Variants in ESR1 observed in about 807,000 individuals in gnomAD.
The protein encoded by ESR1 is estrogen receptor 1.
A neutral mutation model predicts 52.7 loss-of-function variants in ESR1; 12 were observed. The ratio of observed to expected loss-of-function variants is 0.23; its 90% CI spans 0.15 to 0.37. The LOEUF (loss-of-function observed/expected upper bound fraction) is 0.37. Among genes scored for constraint, ESR1 ranks in the 10% least tolerant of loss-of-function variants. The pLI, the probability that ESR1 is intolerant of heterozygous loss-of-function variation, is 1.00. For missense variants in ESR1, 584 were observed against 779.7 expected (o/e 0.75, Z 2.99); for synonymous variants, 305 against 316.8 (o/e 0.96, Z 0.39).
chr6:151,950,947 A>G (rs968528695), intron 4 of ESR1, among the ~76,000 whole-genome samples: 28 of 151,874 alleles, frequency 1.8e-4, no homozygotes, highest in Non-Finnish European at 1.9e-4. Flanking sequence ...TTAAGGAGGA[A>G]GGTTTGGCTC....
chr6:152,117,877 T>C (rs1349644023), intron 6 of ESR1, among the ~76,000 whole-genome samples: 1 of 152,182 alleles, frequency 6.6e-6, no homozygotes, highest in Non-Finnish European at 1.5e-5. Flanking sequence ...GTCCTTCGCT[T>C]TCAGTTTCAT....
chr6:151,761,291 GAAA>G (rs953297596), intron 2 of ESR1, among the ~76,000 whole-genome samples: 4 of 151,648 alleles, frequency 2.6e-5, no homozygotes, highest in African/African-American at 9.7e-5. Context: ...TTTAACTAAA[GAAA>G]ATAATAATCA....
chr6:151,860,804 A>C (rs1051750072), intron 2 of ESR1, among the ~76,000 whole-genome samples: 3 of 152,238 alleles, frequency 2.0e-5, no homozygotes, highest in Non-Finnish European at 4.4e-5. Context: ...ATAGCCAGTT[A>C]TATGATGTGT....
At chr6:151,728,015 G>A (rs1781968258) in intron 2 of ESR1, among the ~76,000 whole-genome samples, 1 of 152,168 alleles carries the variant, frequency 6.6e-6, no homozygotes, top group Admixed American at 6.5e-5. Context: ...CATGGCAGGG[G>A]AAGGCCAAGC....
intron 1 of ESR1, among the ~76,000 whole-genome samples, chr6:151,815,670 G>A (rs1779505932): frequency 6.6e-6 from 1 of 152,182 alleles, no homozygotes; most frequent in African/African-American, 2.4e-5. Context: ...CATTATTCAT[G>A]GATTCTGTAT....
upstream of ESR1, among the ~76,000 whole-genome samples, chr6:151,806,530 G>GTGTATATATATATATA (rs1554259015): frequency 1.1e-4 from 11 of 96,446 alleles, no homozygotes; most frequent in East Asian, 2.6e-4. Context: ...TCCTTAATAT[G>GTGTATATATATATATA]TATATATATA....
chr6:151,869,270 C>T (rs577259777), intron 2 of ESR1, among the ~76,000 whole-genome samples: 3 of 152,258 alleles, frequency 2.0e-5, no homozygotes, highest in African/African-American at 4.8e-5. Flanking sequence ...TGGAAATAAT[C>T]GAACAGAGTG....
At position 152,011,365 on chromosome 6, in the gene ESR1, G is replaced by A. The variant is rs80025294; in HGVS notation, c.1097-291G>A. On this transcript the variant is annotated intron_variant, in intron 4 of 7. Coordinates refer to ENST00000206249, the MANE Select transcript of ESR1 (RefSeq NM_000125.4). ...AGCTGTCTAAGTAGAAGGCACACAA[G>A]TTTTCACACTGAGTATAACACTTTA... 2.3e-4 allele frequency among the ~76,000 whole-genome samples: 35 copies of A among 152,240 alleles called. No individual in the cohort carries two copies. In the East Asian group the frequency reaches 5.0e-3, roughly 22 times the overall value.
chr6:151,768,599 A>G (rs1439507459), intron 2 of ESR1, among the ~76,000 whole-genome samples: 5 of 152,222 alleles, frequency 3.3e-5, no homozygotes, highest in Non-Finnish European at 5.9e-5. Context: ...GGTTAAGTTA[A>G]AACATAAGAT....
At chr6:151,991,002 C>G (rs1309490112) in intron 4 of ESR1, among the ~76,000 whole-genome samples, 1 of 152,064 alleles carries the variant, frequency 6.6e-6, no homozygotes, top group Non-Finnish European at 1.5e-5. Context: ...ACAATACCAC[C>G]AGGAGAAAGT....
chr6:152,008,692 GT>G (rs1471587556), intron 4 of ESR1, among the ~76,000 whole-genome samples: 1 of 152,000 alleles, frequency 6.6e-6, no homozygotes, highest in Non-Finnish European at 1.5e-5. Context: ...TCTTTTTGAG[GT>G]TTATTTAGGG....
At chr6:151,834,581 G>A (rs1361661512) in intron 1 of ESR1, among the ~76,000 whole-genome samples, 1 of 152,088 alleles carries the variant, frequency 6.6e-6, no homozygotes, top group Non-Finnish European at 1.5e-5. Context: ...GATAGCATTA[G>A]GAGAAATACC....
intron 2 of ESR1, among the ~76,000 whole-genome samples, chr6:151,783,298 C>T (rs1786722503): frequency 6.6e-6 from 1 of 152,208 alleles, no homozygotes; most frequent in Non-Finnish European, 1.5e-5. Context: ...CTCTTCTTCT[C>T]CTGGGGAGAT....
At chr6:151,987,475 TC>T (rs2040602421) in intron 4 of ESR1, among the ~76,000 whole-genome samples, 1 of 152,124 alleles carries the variant, frequency 6.6e-6, no homozygotes, top group Non-Finnish European at 1.5e-5. Flanking sequence ...GCCAGGCTGG[TC>T]TCAAACTCCT....
At chr6:151,893,048 G>A (rs943589199) in intron 3 of ESR1, among the ~76,000 whole-genome samples, 9 of 152,130 alleles carry the variant, frequency 5.9e-5, no homozygotes, top group Admixed American at 3.3e-4. Flanking sequence ...AAAATTAGCC[G>A]GGCATGGTGG....
At chr6:151,669,186 G>GAGAT (rs1777952784) in intron 1 of ESR1, among the ~76,000 whole-genome samples, 2 of 121,996 alleles carry the variant, frequency 1.6e-5, no homozygotes, top group African/African-American at 5.7e-5. Context: ...GAGAGAGAGA[G>GAGAT]AGATGGGAAT....
intron 2 of ESR1, among the ~76,000 whole-genome samples, chr6:151,868,380 G>A (rs980090329): frequency 5.9e-5 from 9 of 152,024 alleles, no homozygotes; most frequent in African/African-American, 9.7e-5. Context: ...TGCCCACCTC[G>A]GCCTCCCAAA....
At chr6:151,780,301 T>C (rs1214193263) in intron 2 of ESR1, among the ~76,000 whole-genome samples, 1 of 152,106 alleles carries the variant, frequency 6.6e-6, no homozygotes, top group African/African-American at 2.4e-5. Flanking sequence ...GACACATGTA[T>C]ACCTATGTAA....
At chr6:151,843,701 A>T (rs1031433850) in intron 2 of ESR1, among the ~76,000 whole-genome samples, 3 of 152,050 alleles carry the variant, frequency 2.0e-5, no homozygotes, top group Non-Finnish European at 4.4e-5. Flanking sequence ...AAACACTAAG[A>T]ATATTTCTGA....
Sources: gnomAD v4.1 joint callset for allele counts (sites outside exome capture counted in the v4.1 genomes callset) on GRCh38, gnomAD v4.1.1 for gene constraint, MANE v1.5 for transcripts, NCBI Gene and HGNC (gene_info 2026-07-23, HGNC 2026-07-21) for gene names.